Variants in ZNF568 observed in about 807,000 individuals in gnomAD.
ZNF568 encodes the protein zinc finger protein 568, also known as p53 inhibitor of SCO2 activation.
A neutral mutation model predicts 18.1 loss-of-function variants in ZNF568; 11 were observed. That is an observed-to-expected ratio of 0.61 (90% CI 0.38 to 1.00). ZNF568 has a LOEUF of 1.00. Ranked by LOEUF, ZNF568 falls within the 50% of genes least tolerant of loss-of-function variation. The probability of loss-of-function intolerance (pLI) is 0.01; values close to 1 mark genes in which losing one functional copy is unlikely to be tolerated. For missense variants in ZNF568, 639 were observed against 768.2 expected (o/e 0.83, Z 1.99); for synonymous variants, 213 against 246.6 (o/e 0.86, Z 1.28).
At chr19:36,945,985 T>C (rs1032000166) in intron 6 of ZNF568, among the ~76,000 whole-genome samples, 4 of 151,618 alleles carry the variant, frequency 2.6e-5, no homozygotes, top group Admixed American at 2.0e-4. Context: ...GTTCCAGCTA[T>C]TGGGGAGGCT....
At chr19:36,956,038 G>GCTTT (rs1040228336), downstream of ZNF568, among the ~76,000 whole-genome samples, 9 of 152,292 alleles carry the variant, frequency 5.9e-5, no homozygotes, top group Non-Finnish European at 1.0e-4. Flanking sequence ...TTAAGGAAGT[G>GCTTT]CTTTCAGTAA....
chr19:36,983,557 T>C (rs1328833220), downstream of ZNF568, among the ~76,000 whole-genome samples: 3 of 152,188 alleles, frequency 2.0e-5, no homozygotes, highest in Non-Finnish European at 4.4e-5. Flanking sequence ...AGAATGTTAT[T>C]TGAATTGAGT....
intron 6 of ZNF568, among the ~76,000 whole-genome samples, chr19:36,963,618 T>A (rs1388112535): frequency 6.6e-6 from 1 of 152,186 alleles, no homozygotes; most frequent in Non-Finnish European, 1.5e-5. Flanking sequence ...ATGCTATGAC[T>A]GGTGCCCTAT....
intron 6 of ZNF568, among the ~76,000 whole-genome samples, chr19:36,957,897 AG>A (rs1219058057): frequency 6.6e-6 from 1 of 152,220 alleles, no homozygotes; most frequent in African/African-American, 2.4e-5. Context: ...CAGATTTTGA[AG>A]GATTGTAAGA....
chr19:36,926,368 C>G (rs2073553669), intron 4 of ZNF568, among the ~76,000 whole-genome samples: 1 of 152,124 alleles, frequency 6.6e-6, no homozygotes, highest in Non-Finnish European at 1.5e-5. Context: ...CTTCTTTTGA[C>G]CATATGATCA....
chr19:36,986,452 C>T (rs1200117280), intron 2 of ZNF568, among the ~76,000 whole-genome samples: 1 of 152,166 alleles, frequency 6.6e-6, no homozygotes, highest in African/African-American at 2.4e-5. Context: ...GCTTACCCCT[C>T]TCTGTTCCCA....
At position 36,930,025 on chromosome 19, in the gene ZNF568, G is replaced by T. The variant is rs2073657836; in HGVS notation, c.135+4767G>T. On this transcript the variant is annotated intron_variant, in intron 4 of 6. Transcript: ENST00000333987. ...TGAACTGTGAATTTATGTTTTTTAA[G>T]GTTCGAACCCCTATGTTTCTTGCTA... 2.7e-5 allele frequency among the ~76,000 whole-genome samples: 4 copies of T among 150,772 alleles called. No homozygotes were observed. The Middle Eastern group carries it at 0.014, about 516-fold the overall frequency.
chr19:36,922,140 C>T (rs2073467222), intron 2 of ZNF568, among the ~76,000 whole-genome samples: 1 of 152,170 alleles, frequency 6.6e-6, no homozygotes, highest in African/African-American at 2.4e-5. Flanking sequence ...GAAGTGTCTT[C>T]ACTGCGTATT....
intron 4 of ZNF568, among the ~76,000 whole-genome samples, chr19:36,995,791 T>A (rs550298926): frequency 5.9e-5 from 9 of 152,346 alleles, no homozygotes; most frequent in Non-Finnish European, 1.2e-4. Flanking sequence ...TAGCTTAACT[T>A]TAATCTTACA....
chr19:36,974,357 C>T, intron 6 of ZNF568: 1 of 1,488,088 alleles, frequency 6.7e-7, no homozygotes, highest in Non-Finnish European at 9.1e-7. Flanking sequence ...AGTTTGGCCT[C>T]CCAAGGGGTT....
At chr19:36,997,262 G>C (rs766763115), downstream of ZNF568, 2 of 1,603,822 alleles carry the variant, frequency 1.2e-6, no homozygotes, top group East Asian at 2.2e-5. Flanking sequence ...CATCTTATTC[G>C]ACATCAGAGT....
intron 6 of ZNF568, among the ~76,000 whole-genome samples, chr19:36,971,829 G>A (rs975786288): frequency 2.7e-5 from 4 of 146,374 alleles, no homozygotes; most frequent in African/African-American, 5.2e-5. Context: ...GAGCCACTGC[G>A]CCTGACCTAT....
chr19:36,945,490 CTAAGT>C (rs1310609523), intron 6 of ZNF568, among the ~76,000 whole-genome samples: 1 of 151,952 alleles, frequency 6.6e-6, no homozygotes, highest in Non-Finnish European at 1.5e-5. Context: ...TTTATTTTCT[CTAAGT>C]TATTTTATTG....
At chr19:36,975,138 T>TTCTC (rs2074271042) in intron 7 of ZNF568, among the ~76,000 whole-genome samples, 1 of 140,110 alleles carries the variant, frequency 7.1e-6, no homozygotes, top group Non-Finnish European at 1.5e-5. Context: ...GCTTATCAAT[T>TTCTC]TCTTTCTTTC....
At chr19:36,927,240 C>T (rs927632098) in intron 4 of ZNF568, among the ~76,000 whole-genome samples, 3 of 152,146 alleles carry the variant, frequency 2.0e-5, no homozygotes, top group African/African-American at 7.2e-5. Flanking sequence ...AGTCTTTTCT[C>T]ATGAGTTGCC....
intron 4 of ZNF568, among the ~76,000 whole-genome samples, chr19:36,927,895 ATATATATATTTTTTTTT>A (rs2073602937): frequency 3.9e-5 from 1 of 25,762 alleles, no homozygotes; most frequent in African/African-American, 2.4e-4. Context: ...TATTATATAT[ATATATATATTTTTTTTT>A]TTTTTTTTTT....
intron 2 of ZNF568, chr19:36,991,029 C>T (rs977262149): frequency 1.3e-6 from 1 of 799,936 alleles, no homozygotes; most frequent in Non-Finnish European, 1.9e-6. Context: ...CCTGTTTCCA[C>T]ACCGACCCCT....
intron 4 of ZNF568, among the ~76,000 whole-genome samples, chr19:36,992,107 G>A (rs1467567143): frequency 6.6e-6 from 1 of 151,920 alleles, no homozygotes; most frequent in Non-Finnish European, 1.5e-5. Context: ...GCCAGGCCTG[G>A]TGGTGCGTGC....
intron 4 of ZNF568, among the ~76,000 whole-genome samples, chr19:36,927,903 A>ATATATTTTTT (rs1568381621): frequency 7.5e-5 from 2 of 26,622 alleles, no homozygotes; most frequent in Non-Finnish European, 1.1e-4. Context: ...ATATATATAT[A>ATATATTTTTT]TTTTTTTTTT....
Sources: allele counts gnomAD v4.1 joint callset (sites outside exome capture counted in the v4.1 genomes callset), GRCh38; gene constraint gnomAD v4.1.1; transcripts MANE v1.5; gene names NCBI Gene and HGNC (gene_info 2026-07-23, HGNC 2026-07-21).